Variants in CFAP299 observed in about 807,000 individuals in gnomAD.
CFAP299 encodes the protein cilia- and flagella-associated protein 299.
In CFAP299, 21 loss-of-function variants were observed where a neutral mutation model predicts 27.0. The observed-to-expected ratio is 0.78, with a 90% CI of 0.55 to 1.12. The LOEUF (loss-of-function observed/expected upper bound fraction) is 1.12, where lower values mean the gene tolerates loss of function less well. Ranked by LOEUF, CFAP299 falls within the 50% of genes most tolerant of loss-of-function variation. CFAP299 has a pLI of 0.00. For missense variants in CFAP299, 310 were observed against 276.6 expected, an observed-to-expected ratio of 1.12 and a Z score of -0.86; for synonymous variants, 104 against 98.1, an observed-to-expected ratio of 1.06 and a Z score of -0.36.
At chr4:80,487,499 C>A (rs1190367603) in intron 2 of CFAP299, among the ~76,000 whole-genome samples, 1 of 152,062 alleles carries the variant, frequency 6.6e-6, no homozygotes, top group African/African-American at 2.4e-5. Context: ...GGATGGCTGC[C>A]CATTCACCAT....
At chr4:80,388,129 AG>A in intron 2 of CFAP299, 2 of 674,464 alleles carry the variant, frequency 3.0e-6, no homozygotes, top group Non-Finnish European at 2.7e-6. Context: ...TGGGATGCCC[AG>A]GGGGGCCCAG....
intron 3 of CFAP299, among the ~76,000 whole-genome samples, chr4:80,649,455 G>A (rs1391255070): frequency 1.3e-5 from 2 of 152,066 alleles, no homozygotes; most frequent in East Asian, 3.9e-4. Flanking sequence ...GCTAGAAGCA[G>A]AGACAGCAAT....
At chr4:80,395,209 G>A (rs537553437) in intron 2 of CFAP299, among the ~76,000 whole-genome samples, 142 of 151,450 alleles carry the variant, frequency 9.4e-4, no homozygotes, top group African/African-American at 3.4e-3. Context: ...TTCATTTTTT[G>A]GATAGTTTGT....
At chr4:80,517,987 C>T (rs900397592) in intron 2 of CFAP299, among the ~76,000 whole-genome samples, 9 of 151,986 alleles carry the variant, frequency 5.9e-5, no homozygotes, top group Non-Finnish European at 1.3e-4. Context: ...GTGATAAAGC[C>T]AGAATAATGG....
intron 2 of CFAP299, among the ~76,000 whole-genome samples, chr4:80,510,502 A>G (rs1033849112): frequency 6.6e-6 from 1 of 152,156 alleles, no homozygotes; most frequent in Non-Finnish European, 1.5e-5. Flanking sequence ...GAAATAGACT[A>G]TAGCTGAGCT....
chr4:80,576,179 T>A (rs970061758), intron 2 of CFAP299, among the ~76,000 whole-genome samples: 1 of 32,120 alleles, frequency 3.1e-5, no homozygotes, highest in Non-Finnish European at 6.1e-5. Flanking sequence ...GAACTTAAAG[T>A]ATAATAATAA....
rs1728210203 is a variant in CFAP299 at position 80,799,699 on chromosome 4, A to T, written c.334-70294A>T. On this transcript the variant is annotated intron_variant, in intron 3 of 5. Transcript: ENST00000358105. ...TATATTTATAAATATATAATATATA[A>T]AATATATATTTTATATATTATATTT... Among the ~76,000 whole-genome samples, 2 of 56,122 alleles carry T rather than the reference A, an allele frequency of 3.6e-5. 1 individual carries two copies. The highest frequency in any genetic ancestry group is 1.6e-4 in the African/African-American group (2 of 12,152). The allele number at this position is 56,122 out of a possible 152,430, so 36.8% of individuals were successfully genotyped here. A position where few individuals can be genotyped will look rare whatever the true frequency, so the allele number is the denominator to read the frequency against.
intron 3 of CFAP299, among the ~76,000 whole-genome samples, chr4:80,787,679 C>T (rs1218035812): frequency 1.3e-5 from 2 of 152,008 alleles, no homozygotes; most frequent in East Asian, 1.9e-4. Flanking sequence ...ACCAGAGCTC[C>T]TATGCCAGCA....
At chr4:80,405,783 G>A (rs4693100) in intron 2 of CFAP299, among the ~76,000 whole-genome samples, 143,170 of 152,160 alleles carry the variant, frequency 0.94, 67,863 homozygotes, top group East Asian at 1. Flanking sequence ...ATAAAACTGG[G>A]ACTGATTCTA....
intron 4 of CFAP299, among the ~76,000 whole-genome samples, chr4:80,892,761 C>G (rs1560465798): frequency 6.6e-6 from 1 of 152,020 alleles, no homozygotes; most frequent in South Asian, 2.1e-4. Context: ...ATGACAAGCT[C>G]ATAGCTAATA....
intron 3 of CFAP299, among the ~76,000 whole-genome samples, chr4:80,689,336 C>T (rs1316702201): frequency 8.5e-5 from 13 of 152,152 alleles, no homozygotes; most frequent in Admixed American, 5.9e-4. Context: ...AGACTAACAG[C>T]GGATCTCTCG....
intron 3 of CFAP299, among the ~76,000 whole-genome samples, chr4:80,624,340 A>C (rs1738767997): frequency 6.6e-6 from 1 of 152,154 alleles, no homozygotes. Context: ...GAGCTTAAAA[A>C]TACAAGGAAT....
At chr4:80,882,542 G>T (rs1158883064) in intron 4 of CFAP299, among the ~76,000 whole-genome samples, 1 of 152,040 alleles carries the variant, frequency 6.6e-6, no homozygotes, top group Non-Finnish European at 1.5e-5. Context: ...GGAGGCTGAG[G>T]CAGGAGAATG....
At chr4:80,887,172 GATA>G (rs946194819) in intron 4 of CFAP299, among the ~76,000 whole-genome samples, 23 of 152,096 alleles carry the variant, frequency 1.5e-4, no homozygotes, top group African/African-American at 5.3e-4. Flanking sequence ...TATTCAAATG[GATA>G]ATATCAGAGA....
chr4:80,895,189 C>CACACACAT lies in CFAP299; in HGVS notation c.476+25061_476+25062insTACACACA, dbSNP rs1553904080. On this transcript the variant is annotated intron_variant, in intron 4 of 5. Transcript: ENST00000358105. The stretch of plus-strand genomic sequence containing the variant: ...TTCTCACCACACACACACACACACA[C>CACACACAT]ACACACACACTAGTAACTATGTGAA... Among the ~76,000 whole-genome samples, 589 of 151,708 alleles carry CACACACAT rather than the reference C, an allele frequency of 3.9e-3. 4 individuals carry two copies. Among genetic ancestry groups the CACACACAT allele is most frequent in the African/African-American group, 0.012 (495 of 41,318 alleles).
chr4:80,934,477 AT>A (rs2110221493), intron 4 of CFAP299, among the ~76,000 whole-genome samples: 1 of 152,018 alleles, frequency 6.6e-6, no homozygotes, highest in South Asian at 2.1e-4. Context: ...GTTTAAAAGG[AT>A]TGGTATTAAT....
Position 80,961,803 on chromosome 4 carries a change from A to G in CFAP299, c.607-1714A>G, listed in dbSNP as rs912256535. On this transcript the variant is annotated intron_variant, in intron 5 of 5. Coordinates refer to ENST00000358105, the MANE Select transcript of CFAP299 (RefSeq NM_152770.3). Reference sequence around the variant, plus strand: ...AATTTGAGCTCAAAATAGACAAATAACAACCAATAAAAATAAAATACTTTA... The same window carrying G: ...AATTTGAGCTCAAAATAGACAAATAGCAACCAATAAAAATAAAATACTTTA... 1.3e-5 allele frequency among the ~76,000 whole-genome samples: 2 copies of G among 152,086 alleles called. 1 individual carries two copies. Among genetic ancestry groups the G allele is most frequent in the South Asian group, 4.1e-4 (2 of 4,826 alleles).
chr4:80,841,224 C>G (rs1560438891), intron 3 of CFAP299, among the ~76,000 whole-genome samples: 1 of 152,104 alleles, frequency 6.6e-6, no homozygotes, highest in South Asian at 2.1e-4. Context: ...TCATCGTTCA[C>G]TGAGGTAAGC....
At chr4:80,799,884 AATATATAAATT>A (rs1445907330) in intron 3 of CFAP299, among the ~76,000 whole-genome samples, 18 of 38,222 alleles carry the variant, frequency 4.7e-4, no homozygotes, top group African/African-American at 2.0e-3. Flanking sequence ...TATATTATAT[AATATATAAATT>A]ATATATTATA....
Sources: allele counts gnomAD v4.1 joint callset (sites outside exome capture counted in the v4.1 genomes callset), GRCh38; gene constraint gnomAD v4.1.1; transcripts MANE v1.5; gene names NCBI Gene and HGNC (gene_info 2026-07-23, HGNC 2026-07-21).